The following DDX39A variants were observed in gnomAD, a reference collection of about 807,000 sequenced individuals.
The protein encoded by DDX39A is ATP-dependent RNA helicase DDX39A.
DDX39A carries 13 observed loss-of-function variants against 46.3 expected under a neutral mutation model. That is an observed-to-expected ratio of 0.28 (90% CI 0.18 to 0.45). The LOEUF (loss-of-function observed/expected upper bound fraction) is 0.45. DDX39A is among the 20% of genes least tolerant of loss of function. The pLI, the probability that DDX39A is intolerant of heterozygous loss-of-function variation, is 1.00. For synonymous variants in DDX39A, 234 were observed against 224.6 expected (o/e 1.04, Z -0.38); for missense variants, 352 against 581.8 (o/e 0.61, Z 4.06).
Position 14,409,921 on chromosome 19 carries a change from C to T in DDX39A, c.733-48G>A. 1 of 1,609,508 alleles carries T rather than the reference C, an allele frequency of 6.2e-7. No individual in the cohort carries two copies. The highest frequency in any genetic ancestry group is 2.2e-5 in the East Asian group (1 of 44,856). On this transcript the variant is annotated intron_variant, in intron 6 of 10. Coordinates refer to ENST00000242776, the MANE Select transcript of DDX39A (RefSeq NM_005804.4). This position sits in a 1 kb window ranked among gnomAD's most constrained non-coding sequence, Gnocchi z 8.3. ...GGGGCGGGCAGGGATCACCTCTGGGCATCTCGCCTGCCCAGAACCTTCCAG... is the reference window on the plus strand; with the variant it reads ...GGGGCGGGCAGGGATCACCTCTGGGTATCTCGCCTGCCCAGAACCTTCCAG...
Position 14,408,970 on chromosome 19 carries a change from C to A in DDX39A, c.1268-18G>T, listed in dbSNP as rs768300363. 1.6e-5 allele frequency: 26 copies of A among 1,608,948 alleles called. No individual in the cohort carries two copies. Among genetic ancestry groups the A allele is most frequent in the Non-Finnish European group, 2.1e-5 (25 of 1,176,304 alleles). On this transcript the variant is annotated intron_variant, in intron 10 of 10. Transcript: ENST00000242776. ...CTGCTCGACTGTAAGACATGAGATG[C>A]AGTGAACTGAAGGGCCGGGGGAGGA...
chr19:14,413,240 G>T lies in DDX39A; in HGVS notation c.-4-16C>A. On this transcript the variant is annotated splice_polypyrimidine_tract_variant and intron_variant, in intron 1 of 10. Coordinates refer to ENST00000242776, the MANE Select transcript of DDX39A (RefSeq NM_005804.4). ...TGCCATGATGCTGAGAAGAGAGAGA[G>T]GCAGGGTCCCGCGAGTGGGCACAGA... is the stretch of plus-strand genomic sequence containing the variant. 1 of 1,609,526 alleles carries T rather than the reference G, an allele frequency of 6.2e-7. No homozygotes were observed. The highest frequency in any genetic ancestry group is 1.1e-5 in the South Asian group (1 of 90,778).
At position 14,413,302 on chromosome 19, in the gene DDX39A, C is replaced by T. The variant is rs1976669724; in HGVS notation, c.-4-78G>A. On this transcript the variant is annotated intron_variant, in intron 1 of 10. Transcript: ENST00000242776. The stretch of plus-strand genomic sequence containing the variant: ...GCTTCATTCAAATGGCATTCTCTGC[C>T]GCCTCCTTCCATGAGTGAGCCCATC... 10 of 1,333,272 alleles carry T rather than the reference C, an allele frequency of 7.5e-6. No homozygotes were observed. In the East Asian group the frequency reaches 9.7e-5, roughly 13 times the overall value. The allele number at this position is 1,333,272 out of a possible 1,614,324, so 82.6% of individuals were successfully genotyped here.
In DDX39A at chr19:14,408,951, G is replaced by A. The variant is rs777978127; in HGVS notation, c.1269C>T (p.Ile423=). 31 of 1,601,324 alleles carry A rather than the reference G, an allele frequency of 1.9e-5. No individual in the cohort carries two copies. Among genetic ancestry groups the A allele is most frequent in the African/African-American group, 6.7e-5 (5 of 74,626 alleles). The stretch of plus-strand genomic sequence containing the variant: ...CACGTGGTGGTTACCGGCTCTGCTC[G>A]ACTGTAAGACATGAGATGCAGTGAA... ...LPEEIDISTY[I]EQSR Residue 423 remains isoleucine, a splice_region_variant and synonymous_variant, in exon 11 of 11, where the codon ATC becomes ATT. Transcript: ENST00000242776.
rs1176812379 is a variant in DDX39A at position 14,411,492 on chromosome 19, C to T, written c.429+14G>A. 6 of 1,612,188 alleles carry T rather than the reference C, an allele frequency of 3.7e-6. No individual in the cohort carries two copies. The Admixed American group carries it at 8.3e-5, about 22-fold the overall frequency. ...CCAAGTGGCGCCTGGTCCAGTCTGG[C>T]CCGAGGGACTCACCTTGACGCTGGG... On this transcript the variant is annotated intron_variant, in intron 4 of 10. Coordinates refer to ENST00000242776, the MANE Select transcript of DDX39A (RefSeq NM_005804.4). The surrounding 1 kb of genome is among the most constrained non-coding windows in gnomAD (Gnocchi z 4.1).
In DDX39A at chr19:14,412,762, T is replaced by C; in HGVS notation, c.209-84A>G. 1 of 1,522,238 alleles carries C rather than the reference T, an allele frequency of 6.6e-7. No homozygotes were observed. Among genetic ancestry groups the C allele is most frequent in the Admixed American group, 1.9e-5 (1 of 52,518 alleles). 94.3% of individuals were successfully genotyped at this position (1,522,238 alleles called of 1,614,324 possible). ...TCACCAGTTGACCGGGGGCCCACAG[T>C]GAGGGCAATCAGAAGAGGCCGAGTC... On this transcript the variant is annotated intron_variant, in intron 2 of 10. Transcript: ENST00000242776. The surrounding 1 kb of genome is among the most constrained non-coding windows in gnomAD (Gnocchi z 4.4).
At position 14,410,833 on chromosome 19, in the gene DDX39A, A is replaced by G. The variant is rs1421531938; in HGVS notation, c.613+156T>C. On this transcript the variant is annotated intron_variant, in intron 5 of 10. Coordinates refer to ENST00000242776, the MANE Select transcript of DDX39A (RefSeq NM_005804.4). This position sits in a 1 kb window ranked among gnomAD's most constrained non-coding sequence, Gnocchi z 4.3. ...TCCCATTCGGCTCGGGCTCAGAAACAGCACATCCCTCTGCCAGCAGCAGAG... is the reference window on the plus strand; with the variant it reads ...TCCCATTCGGCTCGGGCTCAGAAACGGCACATCCCTCTGCCAGCAGCAGAG... 8.5e-6 allele frequency: 6 copies of G among 708,816 alleles called. No homozygotes were observed. The highest frequency in any genetic ancestry group is 1.3e-5 in the Non-Finnish European group (6 of 452,514). 43.9% of individuals were successfully genotyped at this position (708,816 alleles called of 1,614,324 possible). A position where few individuals can be genotyped will look rare whatever the true frequency, so the allele number is the denominator to read the frequency against.
At chr19:14,418,712 T>TTGGTCTCTCCCAAAGTA (rs1976921174) in intron 1 of DDX39A, among the ~76,000 whole-genome samples, 1 of 152,208 alleles carries the variant, frequency 6.6e-6, no homozygotes, top group African/African-American at 2.4e-5. Context: ...TCCGCCCTCC[T>TTGGTCTCTCCCAAAGTA]TGGTCTCTCC....
Position 14,412,558 on chromosome 19 carries a change from T to C in DDX39A, c.329A>G (p.Asn110Ser), listed in dbSNP as rs1360181188. The change falls in exon 3 of 11, where the codon AAC becomes AGC. Residue 110 changes from asparagine to serine, a missense_variant. Asn to Ser is a conservative substitution (Grantham distance 46). This residue lies in a region of DDX39A where 301 missense variants were observed against 469.9 expected (regional missense o/e 0.64). Transcript: ENST00000242776. The surrounding 1 kb of genome is among the most constrained non-coding windows in gnomAD (Gnocchi z 4.4). ...LATLQQIEPV[N>S]GQVTVLVMCH... ...AGGGAGGAGCCCACCCACCTGTCCGTTGACAGGCTCAATCTGCTGTAGGGT... is the reference window on the plus strand; with the variant it reads ...AGGGAGGAGCCCACCCACCTGTCCGCTGACAGGCTCAATCTGCTGTAGGGT... 4 of 1,608,238 alleles carry C rather than the reference T, an allele frequency of 2.5e-6. No individual in the cohort carries two copies. The highest frequency in any genetic ancestry group is 1.3e-5 in the African/African-American group (1 of 75,044).
In DDX39A at chr19:14,410,821, G is replaced by A. The variant is rs972855139; in HGVS notation, c.613+168C>T. ...TGGGCCCCGTGGTCCCATTCGGCTC[G>A]GGCTCAGAAACAGCACATCCCTCTG... On this transcript the variant is annotated intron_variant, in intron 5 of 10. Coordinates refer to ENST00000242776, the MANE Select transcript of DDX39A (RefSeq NM_005804.4). The surrounding 1 kb of genome is among the most constrained non-coding windows in gnomAD (Gnocchi z 4.3). 6 of 645,780 alleles carry A rather than the reference G, an allele frequency of 9.3e-6. No individual in the cohort carries two copies. Among genetic ancestry groups the A allele is most frequent in the Middle Eastern group, 4.3e-4 (1 of 2,316 alleles). The allele number at this position is 645,780 out of a possible 1,614,324, so 40.0% of individuals were successfully genotyped here.
Position 14,408,940 on chromosome 19 carries a change from C to T in DDX39A, c.1280G>A (p.Arg427Gln), listed in dbSNP as rs1275271752. The stretch of plus-strand genomic sequence containing the variant: ...GGCGGCTCTGGCACGTGGTGGTTAC[C>T]GGCTCTGCTCGACTGTAAGACATGA... ...IDISTYIEQS[R>Q] The change falls in exon 11 of 11, where the codon CGG (arginine) becomes CAG (glutamine). Residue 427 changes from arginine to glutamine, a missense_variant. This residue lies in a region of DDX39A where 301 missense variants were observed against 469.9 expected (regional missense o/e 0.64). Coordinates refer to ENST00000242776, the MANE Select transcript of DDX39A (RefSeq NM_005804.4). 3.8e-6 allele frequency: 6 copies of T among 1,593,978 alleles called. No homozygotes were observed. Among genetic ancestry groups the T allele is most frequent in the African/African-American group, 1.3e-5 (1 of 74,564 alleles).
At chr19:14,418,710 C>A (rs1031739049) in intron 1 of DDX39A, among the ~76,000 whole-genome samples, 2 of 152,134 alleles carry the variant, frequency 1.3e-5, no homozygotes, top group Non-Finnish European at 2.9e-5. Context: ...GATCCGCCCT[C>A]CTTGGTCTCT....
At position 14,410,242 on chromosome 19, in the gene DDX39A, G is replaced by A. The variant is rs373303600; in HGVS notation, c.706C>T (p.Pro236Ser). The change falls in exon 6 of 11, where the codon CCT becomes TCT. Residue 236 changes from proline to serine, a missense_variant. Pro to Ser is a moderately conservative substitution (Grantham distance 74). This residue lies in a region of DDX39A where 301 missense variants were observed against 469.9 expected (regional missense o/e 0.64). Coordinates refer to ENST00000242776, the MANE Select transcript of DDX39A (RefSeq NM_005804.4). The surrounding 1 kb of genome is among the most constrained non-coding windows in gnomAD (Gnocchi z 4.3). Reference sequence around the variant, plus strand: ...TCCTGCATGAACTTCCTGCACACAGGCCGGATGTCCTTGCTCAGGGTGGCG... The same window carrying A: ...TCCTGCATGAACTTCCTGCACACAGACCGGATGTCCTTGCTCAGGGTGGCG... ...FSATLSKDIR[P>S]VCRKFMQDPM... The A allele has an allele frequency of 8.1e-6, 13 of 1,614,084 alleles. No individual in the cohort carries two copies. Among genetic ancestry groups the A allele is most frequent in the Non-Finnish European group, 1.0e-5 (12 of 1,179,988 alleles).
intron 1 of DDX39A, among the ~76,000 whole-genome samples, chr19:14,416,727 C>A (rs1311981031): frequency 1.3e-5 from 2 of 152,146 alleles, no homozygotes; most frequent in Admixed American, 1.3e-4. Context: ...CGCTCTGTCA[C>A]CCAGGCTGGA....
At position 14,412,714 on chromosome 19, in the gene DDX39A, G is replaced by C. The variant is rs1011727374; in HGVS notation, c.209-36C>G. The stretch of plus-strand genomic sequence containing the variant: ...AGCAGAGCGTGAGGGACGAGAACCT[G>C]GATGCACCCCCGTGCAGGATCCTCA... On this transcript the variant is annotated intron_variant, in intron 2 of 10. Transcript: ENST00000242776. The surrounding 1 kb of genome is among the most constrained non-coding windows in gnomAD (Gnocchi z 4.4). 1 of 1,578,984 alleles carries C rather than the reference G, an allele frequency of 6.3e-7. No individual in the cohort carries two copies. The highest frequency in any genetic ancestry group is 8.6e-7 in the Non-Finnish European group (1 of 1,166,560).
chr19:14,417,599 C>T (rs1376887874), intron 1 of DDX39A, among the ~76,000 whole-genome samples: 5 of 152,074 alleles, frequency 3.3e-5, no homozygotes, highest in South Asian at 2.1e-4. Flanking sequence ...CAAACCTGCA[C>T]GTTGTGCACA....
At chr19:14,416,985 C>A (rs960913884) in intron 1 of DDX39A, among the ~76,000 whole-genome samples, 1 of 152,166 alleles carries the variant, frequency 6.6e-6, no homozygotes, top group African/African-American at 2.4e-5. Flanking sequence ...CCACGCCCAG[C>A]CTGGGCCTGT....
At chr19:14,415,572 C>T (rs977195543) in intron 1 of DDX39A, among the ~76,000 whole-genome samples, 1 of 151,222 alleles carries the variant, frequency 6.6e-6, no homozygotes, top group Admixed American at 6.6e-5. Flanking sequence ...GCTGGGATTA[C>T]AGGTGTGAGC....
At chr19:14,413,958 A>T (rs1359351773) in intron 1 of DDX39A, 1 of 152,226 alleles carries the variant, frequency 6.6e-6, no homozygotes, top group African/African-American at 2.4e-5. Context: ...TGGAAAATGG[A>T]ATTAATACAA....
Sources: allele counts gnomAD v4.1 joint callset (sites outside exome capture counted in the v4.1 genomes callset), GRCh38; gene constraint gnomAD v4.1.1; regional missense constraint gnomAD v4.1.1; non-coding constraint Gnocchi (gnomAD v3.1); transcripts MANE v1.5; gene names NCBI Gene and HGNC (gene_info 2026-07-23, HGNC 2026-07-21).